The following GSE1 variants were observed in gnomAD, a reference collection of about 807,000 sequenced individuals.
The protein encoded by GSE1 is genetic suppressor element 1.
In GSE1, 32 loss-of-function variants were observed where a neutral mutation model predicts 112.6. The observed-to-expected ratio is 0.28, with a 90% CI of 0.21 to 0.38. The LOEUF (loss-of-function observed/expected upper bound fraction) is 0.38. GSE1 is among the 10% of genes least tolerant of loss of function. The pLI is 1.00. For synonymous variants in GSE1, 1,115 were observed against 735.6 expected, an observed-to-expected ratio of 1.52 and a Z score of -8.35; for missense variants, 2,348 against 1,699.2, an observed-to-expected ratio of 1.38 and a Z score of -6.71.
Position 85,373,532 on chromosome 16 carries a change from C to G in GSE1, c.2464+15889C>G, listed in dbSNP as rs1313210993. Among the ~76,000 whole-genome samples, 2 of 152,226 alleles carry G rather than the reference C, an allele frequency of 1.3e-5. No homozygotes were observed. The highest frequency in any genetic ancestry group is 2.1e-4 in the South Asian group (1 of 4,822). ...CTGTGGCAGCTGCCTCCCGGGGCCCCTGGGAGAATGGGCTGGGGCACTGTG... is the reference window on the plus strand; with the variant it reads ...CTGTGGCAGCTGCCTCCCGGGGCCCGTGGGAGAATGGGCTGGGGCACTGTG... On this transcript the variant is annotated intron_variant, in intron 2 of 2. Transcript: ENST00000637419. The surrounding 1 kb of genome is among the most constrained non-coding windows in gnomAD (Gnocchi z 5.1).
intron 1 of GSE1, among the ~76,000 whole-genome samples, chr16:85,629,792 T>G (rs895036879): frequency 3.9e-5 from 6 of 152,188 alleles, no homozygotes; most frequent in Non-Finnish European, 8.8e-5. Context: ...GCAGATAGTT[T>G]CACTTCTTGG....
chr16:85,395,170 T>C (rs962109642), intron 2 of GSE1, among the ~76,000 whole-genome samples: 1 of 152,066 alleles, frequency 6.6e-6, no homozygotes, highest in African/African-American at 2.4e-5. Context: ...AGGCCTTGCA[T>C]GCCAGGCTAT....
At chr16:85,444,065 A>G in intron 2 of GSE1, among the ~76,000 whole-genome samples, 1 of 132,032 alleles carries the variant, frequency 7.6e-6, no homozygotes, top group Admixed American at 8.6e-5. Flanking sequence ...GCTCACTGCG[A>G]CCTCCGCCTC....
chr16:85,182,371 C>T (rs1229209936), intron 1 of GSE1, among the ~76,000 whole-genome samples: 2 of 152,236 alleles, frequency 1.3e-5, no homozygotes, highest in Non-Finnish European at 2.9e-5. Flanking sequence ...CGGGCCTGGC[C>T]TTCAGGTGGC....
chr16:85,398,934 A>C (rs2048028431), intron 2 of GSE1, among the ~76,000 whole-genome samples: 1 of 152,168 alleles, frequency 6.6e-6, no homozygotes, highest in African/African-American at 2.4e-5. Flanking sequence ...GTGTGTATCC[A>C]CATGCGTTGT....
chr16:85,655,985 C>T (rs1455160420), intron 6 of GSE1, 68 bp downstream of exon 6: 9 of 1,324,182 alleles, frequency 6.8e-6, no homozygotes, highest in African/African-American at 1.4e-5. Flanking sequence ...GGGCAGAAAG[C>T]CTGGGCTGGA....
chr16:85,547,966 G>A (rs1363678327), intron 2 of GSE1, among the ~76,000 whole-genome samples: 1 of 151,738 alleles, frequency 6.6e-6, no homozygotes, highest in African/African-American at 2.4e-5. Context: ...GGTGGCTCAT[G>A]CCTGTAATCC....
intron 2 of GSE1, among the ~76,000 whole-genome samples, chr16:85,510,953 A>T (rs1045499124): frequency 6.6e-6 from 1 of 152,254 alleles, no homozygotes; most frequent in African/African-American, 2.4e-5. Context: ...AAACTGGGTC[A>T]AAAAGCACCC....
In GSE1 at chr16:85,518,904, G is replaced by A. The variant is rs79540063; in HGVS notation, c.2465-115010G>A. ...ACCTGGGCCCCCAACACACACCCCC[G>A]TTTTGTCCTCCGCTGGCTCGTGTTT... On this transcript the variant is annotated intron_variant, in intron 2 of 2. Transcript: ENST00000637419. 2.5e-3 allele frequency among the ~76,000 whole-genome samples: 382 copies of A among 152,198 alleles called. 2 individuals are homozygous for A. The highest frequency in any genetic ancestry group is 8.9e-3 in the African/African-American group (371 of 41,530).
chr16:85,383,238 GCA>G (rs2047599786), intron 2 of GSE1, among the ~76,000 whole-genome samples: 1 of 151,566 alleles, frequency 6.6e-6, no homozygotes, highest in Non-Finnish European at 1.5e-5. Context: ...ACATTCACAT[GCA>G]CACACAGCCT....
chr16:85,229,446 G>A (rs1424653025), intron 1 of GSE1, among the ~76,000 whole-genome samples: 2 of 152,230 alleles, frequency 1.3e-5, no homozygotes, highest in African/African-American at 2.4e-5. Context: ...CTCTCACTCC[G>A]CCCTGCCTTC....
intron 2 of GSE1, among the ~76,000 whole-genome samples, chr16:85,410,995 C>G: frequency 1.0e-5 from 1 of 97,746 alleles, no homozygotes; most frequent in African/African-American, 6.2e-5. Flanking sequence ...CCGGATAATC[C>G]TCACTGTTAC....
At chr16:85,200,914 A>G (rs1191901178) in intron 1 of GSE1, among the ~76,000 whole-genome samples, 2 of 151,938 alleles carry the variant, frequency 1.3e-5, no homozygotes, top group African/African-American at 2.4e-5. Flanking sequence ...GCTGCTCTCT[A>G]CTTTCTTCTC....
chr16:85,343,901 T>C (rs1001023333), intron 1 of GSE1, among the ~76,000 whole-genome samples: 8 of 152,090 alleles, frequency 5.3e-5, no homozygotes, highest in African/African-American at 1.9e-4. Context: ...CTTCCCTAGC[T>C]CCTCCCGTGC....
intron 1 of GSE1, among the ~76,000 whole-genome samples, chr16:85,219,843 G>A (rs757917588): frequency 3.3e-5 from 5 of 152,200 alleles, no homozygotes; most frequent in African/African-American, 1.2e-4. Context: ...CCCCCAAGCC[G>A]ACGTCTCTTT....
intron 1 of GSE1, among the ~76,000 whole-genome samples, chr16:85,233,570 G>A (rs181477840): frequency 1.4e-3 from 210 of 152,288 alleles, no homozygotes; most frequent in African/African-American, 4.9e-3. Context: ...GCATGTATGC[G>A]GTGTGTGATA....
chr16:85,492,313 G>A (rs2151895956), intron 2 of GSE1, among the ~76,000 whole-genome samples: 1 of 152,184 alleles, frequency 6.6e-6, no homozygotes, highest in Admixed American at 6.5e-5. Flanking sequence ...GCAGTTCGGG[G>A]ACTCAGATTC....
At chr16:85,636,498 T>C (rs2050009192) in intron 2 of GSE1, among the ~76,000 whole-genome samples, 1 of 152,176 alleles carries the variant, frequency 6.6e-6, no homozygotes, top group African/African-American at 2.4e-5. Context: ...AGCCACTCAG[T>C]GCACCTGGTC....
At chr16:85,612,162 GGAGGCTCGCCGACCCCTGCCCCC>G (rs1386860025), upstream of GSE1, among the ~76,000 whole-genome samples, 92 of 151,948 alleles carry the variant, frequency 6.1e-4, no homozygotes, top group Admixed American at 9.2e-4. Context: ...AGGCGGCAGG[GGAGGCTCGCCGACCCCTGCCCCC>G]GAGGCCCGCC....
Sources: gnomAD v4.1 joint callset for allele counts (sites outside exome capture counted in the v4.1 genomes callset) on GRCh38, gnomAD v4.1.1 for gene constraint, Gnocchi (gnomAD v3.1) non-coding constraint, MANE v1.5 for transcripts, NCBI Gene and HGNC (gene_info 2026-07-23, HGNC 2026-07-21) for gene names.